WHAMM: variants seen among roughly 807,000 people sequenced by gnomAD.
WHAMM encodes WASP homolog-associated protein with actin, membranes and microtubules.
A neutral mutation model predicts 76.5 loss-of-function variants in WHAMM; 67 were observed. That is an observed-to-expected ratio of 0.88 (90% CI 0.72 to 1.07). WHAMM has a LOEUF of 1.07. Ranked by LOEUF, WHAMM falls within the 50% of genes least tolerant of loss-of-function variation. WHAMM has a pLI of 0.00. For missense variants in WHAMM, 1,021 were observed against 1,051.1 expected (o/e 0.97, Z 0.40); for synonymous variants, 419 against 422.1 (o/e 0.99, Z 0.09).
intron 6 of WHAMM, among the ~76,000 whole-genome samples, chr15:82,823,492 A>G (rs1190495956): frequency 6.6e-6 from 1 of 152,158 alleles, no homozygotes. Flanking sequence ...AGCATTTAGC[A>G]AATCTCAAGG....
At chr15:82,824,596 C>T (rs2050898317) in intron 6 of WHAMM, among the ~76,000 whole-genome samples, 1 of 151,522 alleles carries the variant, frequency 6.6e-6, no homozygotes, top group Non-Finnish European at 1.5e-5. Flanking sequence ...GCTGGGATTA[C>T]GGGCATGAGT....
At chr15:82,826,624 C>T (rs1475530576) in intron 7 of WHAMM, 127 bp from the exon 8 acceptor site, 42 of 1,575,160 alleles carry the variant, frequency 2.7e-5, no homozygotes, top group Non-Finnish European at 1.5e-5. Context: ...GGTCTGCAGC[C>T]TGGGCGCAGC....
rs1261627832 is a variant in WHAMM at position 82,835,564 on chromosome 15, C to T, written c.*2028C>T. The T allele has an allele frequency of 6.6e-6, 1 of 152,472 alleles. No individual in the cohort carries two copies. The highest frequency in any genetic ancestry group is 2.4e-5 in the African/African-American group (1 of 41,476). The allele number at this position is 152,472 out of a possible 1,614,324, so 9.4% of individuals were successfully genotyped here. On this transcript the variant is annotated 3_prime_UTR_variant, in exon 10 of 10. Transcript: ENST00000286760. ...CCACTGCCAGGTTTCCCAGCCACTG[C>T]CAGGTTGCCCACGGGTCTGTCATGT...
chr15:82,830,080 A>G (rs935219231), intron 8 of WHAMM, among the ~76,000 whole-genome samples: 2 of 152,078 alleles, frequency 1.3e-5, no homozygotes, highest in Admixed American at 1.3e-4. Context: ...TTTTTCATAG[A>G]ACTTTTCTCA....
chr15:82,813,313 C>T (rs1251065851), intron 2 of WHAMM, 37 bp downstream of exon 2: 3 of 1,420,452 alleles, frequency 2.1e-6, no homozygotes, highest in East Asian at 5.2e-5. Context: ...ATCAGATTTA[C>T]TATTTGTCAT....
Position 82,810,208 on chromosome 15 carries a change from G to T in WHAMM, c.482G>T (p.Gly161Val). 7.1e-7 allele frequency: 1 copy of T among 1,411,004 alleles called. No homozygotes were observed. The highest frequency in any genetic ancestry group is 1.4e-5 in the South Asian group (1 of 71,714). 87.4% of individuals were successfully genotyped at this position (1,411,004 alleles called of 1,614,324 possible). Residue 161 changes from glycine to valine, a missense_variant, in exon 1 of 10, where the codon GGC becomes GTC. This residue lies in a region of WHAMM where 501 missense variants were observed against 524.9 expected (regional missense o/e 0.95). Coordinates refer to ENST00000286760, the MANE Select transcript of WHAMM (RefSeq NM_001080435.3). ...CTGGGCGCGGCGGCCGACGGCTGCG[G>T]CGGCGCCACAGTGCGCGACGCACTC... is the stretch of plus-strand genomic sequence containing the variant. The part of the protein sequence containing the change: ...RYLGAAADGC[G>V]GATVRDALFP...
At position 82,815,155 on chromosome 15, in the gene WHAMM, A is replaced by ATATATATG. The variant is rs55807384; in HGVS notation, c.784-1537_784-1536insTATATATG. Among the ~76,000 whole-genome samples, 5 of 46,138 alleles carry ATATATATG rather than the reference A, an allele frequency of 1.1e-4. No homozygotes were observed. In the South Asian group the frequency reaches 1.9e-3, roughly 17 times the overall value. The allele number at this position is 46,138 out of a possible 152,430, so 30.3% of individuals were successfully genotyped here. A position where few individuals can be genotyped will look rare whatever the true frequency, so the allele number is the denominator to read the frequency against. ...TATATATATATATATATATATATAT[A>ATATATATG]GTACAATTCAGTGATTTTTAGTATA... On this transcript the variant is annotated intron_variant, in intron 2 of 9. Coordinates refer to ENST00000286760, the MANE Select transcript of WHAMM (RefSeq NM_001080435.3).
chr15:82,822,170 ATATG>A (rs1368074543), intron 5 of WHAMM, among the ~76,000 whole-genome samples: 1 of 152,312 alleles, frequency 6.6e-6, no homozygotes, highest in African/African-American at 2.4e-5. Flanking sequence ...AAAAAAATCA[ATATG>A]TAATCAAGAT....
intron 9 of WHAMM, 127 bp from the exon 10 acceptor site, chr15:82,833,102 T>A: frequency 8.9e-7 from 1 of 1,122,024 alleles, no homozygotes; most frequent in Non-Finnish European, 1.2e-6. Flanking sequence ...GGCATTTGCT[T>A]AATGAAGTGA....
chr15:82,822,929 T>G (rs1282640039), intron 5 of WHAMM, among the ~76,000 whole-genome samples, 171 bp from the exon 6 acceptor site: 1 of 152,106 alleles, frequency 6.6e-6, no homozygotes, highest in African/African-American at 2.4e-5. Context: ...TAGTCATGTA[T>G]ATACACATGT....
At position 82,826,846 on chromosome 15, in the gene WHAMM, T is replaced by C. The variant is rs774377718; in HGVS notation, c.1641T>C (p.Asp547=). Residue 547 remains aspartate (D), a splice_region_variant and synonymous_variant, in exon 8 of 10, where the codon GAT becomes GAC. Transcript: ENST00000286760. ...TCCAACGATTGAGATCATTTAAAGA[T>C]GTAAGTTCTATAAACAATCACCTCA... ...KTLQRLRSFK[D]KRLAQSVRNT... 4.0e-6 allele frequency: 6 copies of C among 1,517,580 alleles called. No homozygotes were observed. The highest frequency in any genetic ancestry group is 3.5e-6 in the Non-Finnish European group (4 of 1,130,230). 94.0% of individuals were successfully genotyped at this position (1,517,580 alleles called of 1,614,324 possible).
intron 9 of WHAMM, 53 bp from the exon 10 acceptor site, chr15:82,833,176 T>A (rs2051060402): frequency 1.4e-5 from 22 of 1,549,466 alleles, no homozygotes; most frequent in Non-Finnish European, 1.8e-5. Flanking sequence ...AGTAATGTCC[T>A]GGGAAGGGAA....
intron 5 of WHAMM, 122 bp from the exon 6 acceptor site, chr15:82,822,978 G>C (rs2050860183): frequency 1.2e-6 from 1 of 802,488 alleles, no homozygotes; most frequent in South Asian, 3.9e-5. Context: ...TTTCATATAT[G>C]TTAATAGTGC....
Position 82,835,133 on chromosome 15 carries a change from G to GT in WHAMM, c.*1608dup, listed in dbSNP as rs35205699. On this transcript the variant is annotated 3_prime_UTR_variant, in exon 10 of 10. Transcript: ENST00000286760. ...GAAATCTTCCTACTTCAGTTTTTTTGTTTTTTTTTTTGAGACAGAGTCTTG... is the reference window on the plus strand; with the variant it reads ...GAAATCTTCCTACTTCAGTTTTTTTGTTTTTTTTTTTTGAGACAGAGTCTTG... 0.33 allele frequency: 48,376 copies of GT among 147,670 alleles called. 9,720 individuals are homozygous for GT. The highest frequency in any genetic ancestry group is 0.63 in the East Asian group (3,192 of 5,042). The allele number at this position is 147,670 out of a possible 1,614,324, so 9.1% of individuals were successfully genotyped here.
rs1283544522 is a variant in WHAMM, at chr15:82,815,146, T to A, written c.784-1546T>A. ...ATATATATATATATATATATATATA[T>A]ATATATATAGTACAATTCAGTGATT... is the stretch of plus-strand genomic sequence containing the variant. On this transcript the variant is annotated intron_variant, in intron 2 of 9. Transcript: ENST00000286760. 3.2e-4 allele frequency among the ~76,000 whole-genome samples: 13 copies of A among 40,326 alleles called. 2 individuals are homozygous for A. The highest frequency in any genetic ancestry group is 1.6e-3 in the Admixed American group (5 of 3,122). The allele number at this position is 40,326 out of a possible 152,430, so 26.5% of individuals were successfully genotyped here.
At chr15:82,820,885 A>G (rs2050810230) in intron 5 of WHAMM, among the ~76,000 whole-genome samples, 1 of 147,528 alleles carries the variant, frequency 6.8e-6, no homozygotes, top group Non-Finnish European at 1.5e-5. Context: ...GCAGAGTGTA[A>G]GACTCTGTCT....
intron 8 of WHAMM, among the ~76,000 whole-genome samples, chr15:82,827,772 C>G (rs2050960650): frequency 6.6e-6 from 1 of 152,100 alleles, no homozygotes; most frequent in Admixed American, 6.5e-5. Context: ...TGGTGAAACC[C>G]TGTCTCTACT....
rs977482861 is a variant in WHAMM, at chr15:82,833,083, C to T, written c.2123-146C>T. 3.5e-5 allele frequency: 34 copies of T among 972,164 alleles called. No homozygotes were observed. In the Admixed American group the frequency reaches 4.3e-4, roughly 12 times the overall value. The allele number at this position is 972,164 out of a possible 1,614,324, so 60.2% of individuals were successfully genotyped here. A position where few individuals can be genotyped will look rare whatever the true frequency, so the allele number is the denominator to read the frequency against. ...TCAACCAGGGAGCTTATCGTTAGCA[C>T]GTAATCAAGGCATTTGCTTAATGAA... On this transcript the variant is annotated intron_variant, in intron 9 of 9. Transcript: ENST00000286760.
chr15:82,822,115 T>G (rs117726430), intron 5 of WHAMM, among the ~76,000 whole-genome samples: 1,594 of 152,318 alleles, frequency 0.01, 7 homozygotes, highest in Non-Finnish European at 0.016. Flanking sequence ...CACTGTTTTA[T>G]GTACTTCTGG....
Sources: allele counts gnomAD v4.1 joint callset (sites outside exome capture counted in the v4.1 genomes callset), GRCh38; gene constraint gnomAD v4.1.1; regional missense constraint gnomAD v4.1.1; transcripts MANE v1.5; gene names NCBI Gene and HGNC (gene_info 2026-07-23, HGNC 2026-07-21).